The following PGR variants were observed in gnomAD, a reference collection of about 807,000 sequenced individuals.
The protein encoded by PGR is nuclear receptor subfamily 3 group C member 3.
In PGR, 25 loss-of-function variants were observed where a neutral mutation model predicts 76.1. That is an observed-to-expected ratio of 0.33 (90% CI 0.24 to 0.46). The LOEUF is 0.46. Ranked by LOEUF, PGR falls within the 20% of genes least tolerant of loss-of-function variation. The pLI is 1.00. For synonymous variants in PGR, 579 were observed against 535.0 expected (o/e 1.08, Z -1.14); for missense variants, 1,172 against 1,225.3 (o/e 0.96, Z 0.65).
rs59106149 is a variant in PGR, at chr11:101,076,919, A to ATTTTTTTTT, written c.1907-14176_1907-14168dup. On this transcript the variant is annotated intron_variant, in intron 3 of 7. Coordinates refer to ENST00000325455, the MANE Select transcript of PGR (RefSeq NM_000926.4). Reference sequence around the variant, plus strand: ...CTATTTTTTTAAAACTACAAATGGAATTTTTTTTTTTTTTTTTTTTTTTTT... The same window carrying ATTTTTTTTT: ...CTATTTTTTTAAAACTACAAATGGAATTTTTTTTTTTTTTTTTTTTTTTTTTTTTTTTTT... Among the ~76,000 whole-genome samples the ATTTTTTTTT allele has an allele frequency of 8.8e-4, 57 of 65,134 alleles. 2 individuals carry two copies. Among genetic ancestry groups the ATTTTTTTTT allele is most frequent in the African/African-American group, 1.2e-3 (21 of 17,248 alleles). The allele number at this position is 65,134 out of a possible 152,430, so 42.7% of individuals were successfully genotyped here.
At chr11:101,126,220 GT>G (rs2135510527) in intron 1 of PGR, 62 bp from the exon 2 acceptor site, 1 of 1,511,102 alleles carries the variant, frequency 6.6e-7, no homozygotes, top group East Asian at 2.3e-5. Flanking sequence ...AATACTAAAG[GT>G]TTCTTAAACC....
intron 5 of PGR, 65 bp from the exon 6 acceptor site, chr11:101,050,124 T>C: frequency 6.5e-7 from 1 of 1,539,598 alleles, no homozygotes; most frequent in Non-Finnish European, 8.9e-7. Flanking sequence ...TCAGCCAGTT[T>C]AGGTAATTTA....
Position 101,127,582 on chromosome 11 carries a change from A to G in PGR, c.1489T>C (p.Ser497Pro). 1.5e-6 allele frequency: 2 copies of G among 1,309,214 alleles called. No homozygotes were observed. Among genetic ancestry groups the G allele is most frequent in the Non-Finnish European group, 1.9e-6 (2 of 1,036,342 alleles). The allele number at this position is 1,309,214 out of a possible 1,614,324, so 81.1% of individuals were successfully genotyped here. ...GCLLPRDGLP[S>P]TSASAAAAGA... ...GCGGCGGCGGCAGAGGCGGAGGTGG[A>G]GGGCAGGCCGTCCCGCGGGAGCAGG... Residue 497 changes from serine (S) to proline (P), a missense_variant, in exon 1 of 8, where the codon TCC becomes CCC. Ser to Pro is a moderately conservative substitution (Grantham distance 74). Coordinates refer to ENST00000325455, the MANE Select transcript of PGR (RefSeq NM_000926.4).
At chr11:101,088,574 C>T (rs1303169432) in intron 3 of PGR, among the ~76,000 whole-genome samples, 6 of 152,248 alleles carry the variant, frequency 3.9e-5, no homozygotes, top group Non-Finnish European at 7.4e-5. Context: ...ACTCATGATC[C>T]ACCTGCGTTG....
intron 4 of PGR, among the ~76,000 whole-genome samples, chr11:101,056,604 C>G (rs1860301982): frequency 6.9e-6 from 1 of 145,530 alleles, no homozygotes; most frequent in Non-Finnish European, 1.5e-5. Flanking sequence ...CATGCCACTG[C>G]ACTCCAGCCT....
chr11:101,115,263 C>A (rs1465448525), intron 2 of PGR, among the ~76,000 whole-genome samples: 1 of 151,918 alleles, frequency 6.6e-6, no homozygotes, highest in Non-Finnish European at 1.5e-5. Flanking sequence ...GCATGCTATC[C>A]TTTCCATAAA....
chr11:101,057,921 TC>T (rs1263284587), intron 4 of PGR, among the ~76,000 whole-genome samples: 1 of 152,122 alleles, frequency 6.6e-6, no homozygotes, highest in Non-Finnish European at 1.5e-5. Flanking sequence ...TTAGGAGTCA[TC>T]GAAATATAGT....
intron 2 of PGR, among the ~76,000 whole-genome samples, chr11:101,093,497 G>A (rs970018376): frequency 6.6e-5 from 10 of 152,092 alleles, no homozygotes; most frequent in Non-Finnish European, 1.3e-4. Flanking sequence ...TTTCGCTCTT[G>A]TTGCCCAGCC....
At position 101,033,014 on chromosome 11, in the gene PGR, A is replaced by G. The variant is rs1266017776; in HGVS notation, c.*6102T>C. The G allele has an allele frequency of 5.2e-6, 1 of 191,430 alleles. No individual in the cohort carries two copies. Among genetic ancestry groups the G allele is most frequent in the African/African-American group, 2.3e-5 (1 of 43,042 alleles). The allele number at this position is 191,430 out of a possible 1,614,324, so 11.9% of individuals were successfully genotyped here. A position where few individuals can be genotyped will look rare whatever the true frequency, so the allele number is the denominator to read the frequency against. On this transcript the variant is annotated 3_prime_UTR_variant, in exon 8 of 8. Transcript: ENST00000325455. ...TGTAAATCATATTTAATCCTCTCAAAATACAAAGAACTTTGATATTTTCTT... is the reference window on the plus strand; with the variant it reads ...TGTAAATCATATTTAATCCTCTCAAGATACAAAGAACTTTGATATTTTCTT...
At position 101,029,799 on chromosome 11, in the gene PGR, T is replaced by C. The variant is rs1056920876; in HGVS notation, c.*9317A>G. The C allele has an allele frequency of 9.2e-6, 2 of 217,418 alleles. No homozygotes were observed. Among genetic ancestry groups the C allele is most frequent in the African/African-American group, 4.5e-5 (2 of 44,070 alleles). The allele number at this position is 217,418 out of a possible 1,614,324, so 13.5% of individuals were successfully genotyped here. Reference sequence around the variant, plus strand: ...TTTCTTATGTGAACCACAAAATATTTTCTCTGAAATCTACACTTAGTTTAA... The same window carrying C: ...TTTCTTATGTGAACCACAAAATATTCTCTCTGAAATCTACACTTAGTTTAA... On this transcript the variant is annotated 3_prime_UTR_variant, in exon 8 of 8. Coordinates refer to ENST00000325455, the MANE Select transcript of PGR (RefSeq NM_000926.4).
rs11571152 is a variant in PGR at position 101,127,464 on chromosome 11, T to G, written c.1607A>C (p.Gln536Pro). ...GTAGTTGAGATAGGGCGGGTAGACC[T>G]GCGGCAGGCCCTCCTTGAGCACGGC... ...QAAVLKEGLP[Q>P]VYPPYLNYLR... Residue 536 changes from glutamine to proline, a missense_variant, in exon 1 of 8, where the codon CAG becomes CCG. Gln to Pro is a moderately conservative substitution (Grantham distance 76). Coordinates refer to ENST00000325455, the MANE Select transcript of PGR (RefSeq NM_000926.4). 1,451 of 1,560,306 alleles carry G rather than the reference T, an allele frequency of 9.3e-4. 16 individuals are homozygous for G. The African/African-American group carries it at 0.017, about 18-fold the overall frequency.
chr11:101,127,466 C>T lies in PGR; in HGVS notation c.1605G>A (p.Pro535=). 4 of 1,560,480 alleles carry T rather than the reference C, an allele frequency of 2.6e-6. No homozygotes were observed. Among genetic ancestry groups the T allele is most frequent in the African/African-American group, 1.4e-5 (1 of 71,048 alleles). ...YQAAVLKEGL[P]QVYPPYLNYL... is the part of the protein sequence containing the mutation. ...AGTTGAGATAGGGCGGGTAGACCTG[C>T]GGCAGGCCCTCCTTGAGCACGGCGG... Residue 535 remains proline (P), a synonymous_variant, in exon 1 of 8, where the codon CCG becomes CCA. Transcript: ENST00000325455.
chr11:101,085,387 T>G (rs1861458879), intron 3 of PGR, among the ~76,000 whole-genome samples: 1 of 150,934 alleles, frequency 6.6e-6, no homozygotes, highest in Admixed American at 6.6e-5. Context: ...TTAAAATAAA[T>G]GAAAACAGAC....
intron 6 of PGR, 64 bp downstream of exon 6, chr11:101,049,865 T>C (rs1860029697): frequency 8.6e-6 from 12 of 1,392,542 alleles, no homozygotes; most frequent in Non-Finnish European, 1.0e-5. Flanking sequence ...ATCATATTGT[T>C]TGCAACTTTT....
rs139908299 is a variant in PGR at position 101,052,514 on chromosome 11, A to G, written c.2213-946T>C. 1.7e-3 allele frequency among the ~76,000 whole-genome samples: 263 copies of G among 152,202 alleles called. 1 individual carries two copies. The highest frequency in any genetic ancestry group is 6.0e-3 in the African/African-American group (248 of 41,540). On this transcript the variant is annotated intron_variant, in intron 4 of 7. Coordinates refer to ENST00000325455, the MANE Select transcript of PGR (RefSeq NM_000926.4). ...AGTAACTTAAAGGTGGGAGAAGCAA[A>G]GATGTGTTTAGAGATGTAGGCTGGG...
At position 101,035,378 on chromosome 11, in the gene PGR, A is replaced by T. The variant is rs1225515236; in HGVS notation, c.*3738T>A. The T allele has an allele frequency of 4.3e-6, 1 of 231,002 alleles. No individual in the cohort carries two copies. Among genetic ancestry groups the T allele is most frequent in the African/African-American group, 2.2e-5 (1 of 45,226 alleles). The allele number at this position is 231,002 out of a possible 1,614,324, so 14.3% of individuals were successfully genotyped here. A position where few individuals can be genotyped will look rare whatever the true frequency, so the allele number is the denominator to read the frequency against. ...TATGGATGAGAGAAACTGCTCAGGT[A>T]TTCACAGCAAAAACTAAAAATGTAA... On this transcript the variant is annotated 3_prime_UTR_variant, in exon 8 of 8. Transcript: ENST00000325455.
At chr11:101,114,358 T>A (rs1862436322) in intron 2 of PGR, among the ~76,000 whole-genome samples, 2 of 152,180 alleles carry the variant, frequency 1.3e-5, no homozygotes, top group South Asian at 4.1e-4. Flanking sequence ...TGGTATAAAT[T>A]AATAAATAAG....
intron 2 of PGR, among the ~76,000 whole-genome samples, chr11:101,097,943 A>AT (rs1389766356): frequency 6.6e-6 from 1 of 151,750 alleles, no homozygotes; most frequent in African/African-American, 2.4e-5. Flanking sequence ...CGTCTGGCTA[A>AT]TTTTTTGTAT....
intron 2 of PGR, among the ~76,000 whole-genome samples, chr11:101,116,445 G>A (rs1037717196): frequency 1.3e-5 from 2 of 152,124 alleles, no homozygotes; most frequent in Admixed American, 6.5e-5. Flanking sequence ...GTAAATACTT[G>A]CTTAAAGAAT....
Sources: allele counts gnomAD v4.1 joint callset (sites outside exome capture counted in the v4.1 genomes callset), GRCh38; gene constraint gnomAD v4.1.1; transcripts MANE v1.5; gene names NCBI Gene and HGNC (gene_info 2026-07-23, HGNC 2026-07-21).